Variants in CSMD1 observed in about 807,000 individuals in gnomAD.
CSMD1 encodes the protein CUB and Sushi multiple domains 1.
A neutral mutation model predicts 417.5 loss-of-function variants in CSMD1; 213 were observed. The observed-to-expected ratio is 0.51, with a 90% confidence interval of 0.46 to 0.57. CSMD1 has a LOEUF of 0.57. CSMD1 is among the 20% of genes least tolerant of loss of function. The pLI is 0.00. For synonymous variants in CSMD1, 2,862 were observed against 1,736.8 expected (o/e 1.65, Z -16.11); for missense variants, 6,923 against 4,529.7 (o/e 1.53, Z -15.17).
At chr8:3,693,408 G>T (rs750798048) in intron 7 of CSMD1, among the ~76,000 whole-genome samples, 1 of 152,036 alleles carries the variant, frequency 6.6e-6, no homozygotes, top group Non-Finnish European at 1.5e-5. Context: ...AAGAGTGTGG[G>T]ATAGGCTGAC....
At chr8:3,244,711 A>G (rs147038839) in intron 26 of CSMD1, among the ~76,000 whole-genome samples, 26 of 152,316 alleles carry the variant, frequency 1.7e-4, no homozygotes, top group Middle Eastern at 3.4e-3. Flanking sequence ...GGTGAATGGA[A>G]AAGTGAATGC....
chr8:3,257,849 G>A (rs758041383), intron 26 of CSMD1, among the ~76,000 whole-genome samples: 1 of 152,138 alleles, frequency 6.6e-6, no homozygotes, highest in African/African-American at 2.4e-5. Context: ...CAAGGGACTT[G>A]GGGCTTGACT....
At chr8:3,379,835 T>C (rs1256918393) in intron 18 of CSMD1, among the ~76,000 whole-genome samples, 1 of 152,270 alleles carries the variant, frequency 6.6e-6, no homozygotes, top group Admixed American at 6.5e-5. Flanking sequence ...GACATAGGCA[T>C]GGGCAAGGAC....
chr8:3,621,986 T>C (rs1465025426), intron 7 of CSMD1, among the ~76,000 whole-genome samples: 2 of 117,262 alleles, frequency 1.7e-5, no homozygotes, highest in Non-Finnish European at 3.6e-5. Context: ...TTTGTGTGTG[T>C]GTGTATGTGT....
intron 5 of CSMD1, among the ~76,000 whole-genome samples, chr8:3,930,201 T>C (rs979910329): frequency 2.0e-5 from 3 of 150,340 alleles, no homozygotes; most frequent in Non-Finnish European, 3.0e-5. Flanking sequence ...TATTAGATGA[T>C]GATTCTATAC....
At chr8:4,769,122 G>C (rs920171786) in intron 1 of CSMD1, among the ~76,000 whole-genome samples, 1 of 152,130 alleles carries the variant, frequency 6.6e-6, no homozygotes, top group Non-Finnish European at 1.5e-5. Context: ...AAATCTACTT[G>C]CTCTATGACC....
intron 23 of CSMD1, among the ~76,000 whole-genome samples, chr8:3,311,482 T>C (rs1222696846): frequency 1.3e-5 from 2 of 152,160 alleles, no homozygotes; most frequent in Non-Finnish European, 2.9e-5. Context: ...ACTCCTGACC[T>C]CAAGTGATTT....
rs562985676 is a variant in CSMD1 at position 3,427,589 on chromosome 8, A to G, written c.1562-17984T>C. Among the ~76,000 whole-genome samples the G allele has an allele frequency of 8.2e-4, 125 of 152,324 alleles. 1 individual carries two copies. The highest frequency in any genetic ancestry group is 3.4e-3 in the Middle Eastern group (1 of 294). ...CATATTTCAAATCTATGAGATATGA[A>G]ACAATCTATTTGACCATACTCTGCA... On this transcript the variant is annotated intron_variant, in intron 12 of 69. Transcript: ENST00000635120.
Position 3,110,218 on chromosome 8 carries a change from C to T in CSMD1, c.6548G>A (p.Gly2183Glu), listed in dbSNP as rs759921986. The T allele has an allele frequency of 6.2e-7, 1 of 1,613,062 alleles. No individual in the cohort carries two copies. The highest frequency in any genetic ancestry group is 2.2e-5 in the East Asian group (1 of 44,848). The change falls in exon 43 of 70, where the codon GGA (glycine) becomes GAA (glutamate). Residue 2183 changes from glycine to glutamate, a missense_variant. Physicochemically the swap from Gly to Glu is moderately conservative, Grantham distance 98. Transcript: ENST00000635120. Reference protein sequence around the residue: ...IWLITVPPGHGVYINFTLLQT... With the variant: ...IWLITVPPGHEVYINFTLLQT... ...TAACAGGGTGAAGTTGATGTAAACT[C>T]CGTGCCCTGGAGGCACCGTGATGAG...
chr8:3,464,637 C>CTA (rs979407335), intron 12 of CSMD1, among the ~76,000 whole-genome samples: 3 of 149,516 alleles, frequency 2.0e-5, no homozygotes, highest in South Asian at 2.1e-4. Context: ...TAGGTAGAAT[C>CTA]TATATATATA....
chr8:3,749,845 G>A (rs1360544239), intron 6 of CSMD1, among the ~76,000 whole-genome samples: 1 of 151,980 alleles, frequency 6.6e-6, no homozygotes, highest in South Asian at 2.1e-4. Flanking sequence ...GAACACTGAG[G>A]TGGTTCGCGG....
At chr8:4,187,192 G>A (rs575919340) in intron 3 of CSMD1, among the ~76,000 whole-genome samples, 1 of 152,076 alleles carries the variant, frequency 6.6e-6, no homozygotes, top group South Asian at 2.1e-4. Flanking sequence ...AACAATCTGG[G>A]ACATTGTTGG....
chr8:3,566,334 C>T (rs1799706865), intron 10 of CSMD1, among the ~76,000 whole-genome samples: 1 of 152,170 alleles, frequency 6.6e-6, no homozygotes, highest in African/African-American at 2.4e-5. Flanking sequence ...AAATCGATTA[C>T]ATATTCCTCA....
chr8:4,033,357 G>C (rs1487424727), intron 3 of CSMD1, among the ~76,000 whole-genome samples: 1 of 152,058 alleles, frequency 6.6e-6, no homozygotes. Flanking sequence ...CAGGAGAATG[G>C]CGTGAACCCG....
chr8:3,742,104 G>C (rs1196802218), intron 6 of CSMD1, among the ~76,000 whole-genome samples: 4 of 151,994 alleles, frequency 2.6e-5, no homozygotes, highest in Admixed American at 2.6e-4. Context: ...CTGCTGATGA[G>C]GAATCCTGTC....
intron 3 of CSMD1, among the ~76,000 whole-genome samples, chr8:4,210,886 A>T (rs545715873): frequency 2.0e-5 from 3 of 152,278 alleles, no homozygotes; most frequent in East Asian, 3.9e-4. Context: ...GGTCCCTCAG[A>T]CCATATTTTC....
At chr8:3,789,983 G>A (rs144270188) in intron 5 of CSMD1, among the ~76,000 whole-genome samples, 3,321 of 152,066 alleles carry the variant, frequency 0.022, 57 homozygotes, top group South Asian at 0.045. Context: ...CGCCCACCTC[G>A]GCCTCCCAAA....
At chr8:4,253,827 T>A (rs1025466848) in intron 3 of CSMD1, among the ~76,000 whole-genome samples, 12 of 151,442 alleles carry the variant, frequency 7.9e-5, no homozygotes, top group African/African-American at 2.7e-4. Context: ...ACCATTATTA[T>A]CCTATTGCTA....
intron 1 of CSMD1, among the ~76,000 whole-genome samples, chr8:4,649,901 G>C (rs1435254381): frequency 6.6e-6 from 1 of 152,152 alleles, no homozygotes; most frequent in Non-Finnish European, 1.5e-5. Flanking sequence ...TGTATGACTG[G>C]GGGCACCATG....
Sources: allele counts gnomAD v4.1 joint callset (sites outside exome capture counted in the v4.1 genomes callset), GRCh38; gene constraint gnomAD v4.1.1; transcripts MANE v1.5; gene names NCBI Gene and HGNC (gene_info 2026-07-23, HGNC 2026-07-21).